KCNQ5: variants seen among roughly 807,000 people sequenced by gnomAD.
The protein encoded by KCNQ5 is potassium voltage-gated channel subfamily Q member 5.
A neutral mutation model predicts 98.2 loss-of-function variants in KCNQ5; 30 were observed. That is an observed-to-expected ratio of 0.31 (90% CI 0.23 to 0.41). The LOEUF is 0.41. Among genes scored for constraint, KCNQ5 ranks in the 10% least tolerant of loss-of-function variants. The probability of loss-of-function intolerance (pLI) is 1.00; values close to 1 mark genes in which losing one functional copy is unlikely to be tolerated. For synonymous variants in KCNQ5, 458 were observed against 449.4 expected (o/e 1.02, Z -0.24); for missense variants, 835 against 1,182.5 (o/e 0.71, Z 4.31).
At chr6:72,757,818 A>G (rs934545869) in intron 1 of KCNQ5, among the ~76,000 whole-genome samples, 2 of 152,166 alleles carry the variant, frequency 1.3e-5, no homozygotes, top group Non-Finnish European at 2.9e-5. Flanking sequence ...CTGGATTTAA[A>G]TTCATTTCTA....
At chr6:72,760,961 T>G (rs1000532381) in intron 1 of KCNQ5, among the ~76,000 whole-genome samples, 5 of 152,184 alleles carry the variant, frequency 3.3e-5, no homozygotes, top group African/African-American at 4.8e-5. Flanking sequence ...CAGCCAGATT[T>G]CATGATATTT....
chr6:72,652,128 C>T (rs1040635183), intron 1 of KCNQ5, among the ~76,000 whole-genome samples: 4 of 151,164 alleles, frequency 2.6e-5, no homozygotes, highest in African/African-American at 9.7e-5. Context: ...TAAATAACAC[C>T]ACATCATATG....
chr6:73,036,372 C>T (rs1200408906), intron 2 of KCNQ5, among the ~76,000 whole-genome samples: 1 of 112,270 alleles, frequency 8.9e-6, no homozygotes, highest in South Asian at 3.3e-4. Context: ...GGCAACAGCG[C>T]GAGACTCTGT....
At chr6:72,642,666 T>C (rs1404361016) in intron 1 of KCNQ5, among the ~76,000 whole-genome samples, 2 of 152,148 alleles carry the variant, frequency 1.3e-5, no homozygotes, top group Non-Finnish European at 2.9e-5. Flanking sequence ...GGTGGGAGTG[T>C]AAATTAGTGC....
At position 72,735,492 on chromosome 6, in the gene KCNQ5, T is replaced by C. The variant is rs539200496; in HGVS notation, c.398+112905T>C. Among the ~76,000 whole-genome samples the C allele has an allele frequency of 6.6e-5, 10 of 152,280 alleles. No homozygotes were observed. The South Asian group carries it at 1.0e-3, about 16-fold the overall frequency. On this transcript the variant is annotated intron_variant, in intron 1 of 13. Transcript: ENST00000370398. Reference sequence around the variant, plus strand: ...TGTATACAATAGAGTACTACTAATATTTTTAATGTCTTAATAATGCACTAA... The same window carrying C: ...TGTATACAATAGAGTACTACTAATACTTTTAATGTCTTAATAATGCACTAA...
At chr6:72,734,944 A>G (rs1184635264) in intron 1 of KCNQ5, among the ~76,000 whole-genome samples, 1 of 152,180 alleles carries the variant, frequency 6.6e-6, no homozygotes, top group Non-Finnish European at 1.5e-5. Flanking sequence ...CAACTTCATG[A>G]TAATTCTAAT....
chr6:73,156,632 G>GAAAATAAAAACA (rs144006929), intron 10 of KCNQ5, among the ~76,000 whole-genome samples: 1 of 151,326 alleles, frequency 6.6e-6, no homozygotes, highest in Admixed American at 6.6e-5. Context: ...CAAAAAAAAC[G>GAAAATAAAAACA]AAAACAAAAA....
At chr6:73,111,512 T>C (rs1554210432) in intron 7 of KCNQ5, 109 bp downstream of exon 7, 1 of 770,758 alleles carries the variant, frequency 1.3e-6, no homozygotes, top group Non-Finnish European at 2.1e-6. Flanking sequence ...GCTTTGTTCC[T>C]TTTTATAAAA....
chr6:72,700,295 C>CTA (rs534237072), intron 1 of KCNQ5, among the ~76,000 whole-genome samples: 2 of 84,816 alleles, frequency 2.4e-5, no homozygotes, highest in African/African-American at 5.8e-5. Flanking sequence ...ATATCTATAT[C>CTA]TATCTATCTA....
At chr6:72,838,473 A>G (rs554765627) in intron 1 of KCNQ5, among the ~76,000 whole-genome samples, 111 of 152,290 alleles carry the variant, frequency 7.3e-4, no homozygotes, top group African/African-American at 2.6e-3. Flanking sequence ...CTCTCAAATT[A>G]TATCACTTTA....
chr6:73,080,142 G>A (rs1773706655), intron 5 of KCNQ5, among the ~76,000 whole-genome samples: 1 of 152,088 alleles, frequency 6.6e-6, no homozygotes, highest in Non-Finnish European at 1.5e-5. Flanking sequence ...TTAGTCATCA[G>A]TTTGTTTCTT....
rs567420948 is a variant in KCNQ5 at position 72,825,456 on chromosome 6, C to T, written c.399-178452C>T. Among the ~76,000 whole-genome samples, 32 of 152,298 alleles carry T rather than the reference C, an allele frequency of 2.1e-4. 1 individual carries two copies. Among genetic ancestry groups the T allele is most frequent in the African/African-American group, 7.5e-4 (31 of 41,578 alleles). On this transcript the variant is annotated intron_variant, in intron 1 of 13. Coordinates refer to ENST00000370398, the MANE Select transcript of KCNQ5 (RefSeq NM_019842.4). ...CAAGAACAGTGCCACTGGTAGAAGG[C>T]ATAAGAAAATGCCAGAATGAGTCAC...
chr6:72,649,417 T>C (rs1299727856), intron 1 of KCNQ5, among the ~76,000 whole-genome samples: 1 of 152,110 alleles, frequency 6.6e-6, no homozygotes, highest in Non-Finnish European at 1.5e-5. Context: ...TTAGATAAAT[T>C]TGGTCAAATC....
intron 1 of KCNQ5, among the ~76,000 whole-genome samples, chr6:72,928,037 T>C (rs542955991): frequency 5.6e-4 from 85 of 152,138 alleles, no homozygotes; most frequent in South Asian, 2.7e-3. Context: ...AAAAATTACA[T>C]GCTAAGAAAT....
At chr6:73,135,122 G>T (rs1776411029) in intron 10 of KCNQ5, 1 of 152,042 alleles carries the variant, frequency 6.6e-6, no homozygotes, top group Admixed American at 6.6e-5. Flanking sequence ...GGATATAATA[G>T]ATACAATGAA....
chr6:72,880,579 A>T (rs1219970359), intron 1 of KCNQ5, among the ~76,000 whole-genome samples: 2 of 152,204 alleles, frequency 1.3e-5, no homozygotes, highest in African/African-American at 4.8e-5. Context: ...TTCTGTGAGT[A>T]ACAATGAAGG....
chr6:72,693,520 G>A (rs1481142836), intron 1 of KCNQ5, among the ~76,000 whole-genome samples: 3 of 152,082 alleles, frequency 2.0e-5, no homozygotes, highest in Non-Finnish European at 4.4e-5. Context: ...CAGGGCAAGG[G>A]AGTAAAAGTT....
At chr6:72,655,066 TTC>T (rs1215243534) in intron 1 of KCNQ5, among the ~76,000 whole-genome samples, 1 of 150,718 alleles carries the variant, frequency 6.6e-6, no homozygotes, top group Non-Finnish European at 1.5e-5. Context: ...CTTTCTTTCT[TTC>T]TTTCTTTCTT....
intron 3 of KCNQ5, among the ~76,000 whole-genome samples, chr6:73,049,223 C>T (rs1283816484): frequency 6.6e-6 from 1 of 152,032 alleles, no homozygotes; most frequent in Non-Finnish European, 1.5e-5. Flanking sequence ...TATTTAAGAA[C>T]GTGGATAATG....
Sources: gnomAD v4.1 joint callset for allele counts (sites outside exome capture counted in the v4.1 genomes callset) on GRCh38, gnomAD v4.1.1 for gene constraint, MANE v1.5 for transcripts, NCBI Gene and HGNC (gene_info 2026-07-23, HGNC 2026-07-21) for gene names.